The following FARP2 variants were observed in gnomAD, a reference collection of about 807,000 sequenced individuals.
FARP2 encodes FERM, ARHGEF and pleckstrin domain-containing protein 2.
FARP2 carries 111 observed loss-of-function variants against 130.5 expected under a neutral mutation model. That is an observed-to-expected ratio of 0.85 (90% CI 0.73 to 1.00). The LOEUF (loss-of-function observed/expected upper bound fraction) is 1.00. Among genes scored for constraint, FARP2 ranks in the 50% least tolerant of loss-of-function variants. FARP2 has a pLI of 0.00. For synonymous variants in FARP2, 504 were observed against 516.9 expected (o/e 0.98, Z 0.34); for missense variants, 1,385 against 1,346.3 (o/e 1.03, Z -0.45).
chr2:241,389,536 A>G (rs1476402835), intron 2 of FARP2, among the ~76,000 whole-genome samples: 1 of 152,216 alleles, frequency 6.6e-6, no homozygotes, highest in African/African-American at 2.4e-5. Context: ...TGTATTTATT[A>G]TAGCAGCCTG....
intron 13 of FARP2, 142 bp from the exon 14 acceptor site, chr2:241,456,605 G>A: frequency 1.4e-6 from 1 of 724,678 alleles, no homozygotes; most frequent in Non-Finnish European, 2.4e-6. Context: ...TGTGATAGAG[G>A]CTGTACATAC....
chr2:241,438,764 G>A (rs1348417990), intron 12 of FARP2, among the ~76,000 whole-genome samples: 2 of 149,482 alleles, frequency 1.3e-5, no homozygotes, highest in African/African-American at 4.9e-5. Context: ...TGAGTAGCTG[G>A]GACTACAGGT....
rs759480417 is a variant in FARP2 at position 241,418,104 on chromosome 2, T to A, written c.766T>A (p.Phe256Ile). The A allele has an allele frequency of 1.2e-6, 2 of 1,614,158 alleles. No individual in the cohort carries two copies. The highest frequency in any genetic ancestry group is 1.7e-6 in the Non-Finnish European group (2 of 1,180,016). Residue 256 changes from phenylalanine to isoleucine, a missense_variant, in exon 8 of 27, where the codon TTC becomes ATC. By Grantham distance (21) the Phe-to-Ile change is conservative (BLOSUM62 0). Transcript: ENST00000264042. ...LAVSHMGVLVFQGTTKINTFN... is the reference protein window; with the variant it reads ...LAVSHMGVLVIQGTTKINTFN... ...AGTTTCCCACATGGGTGTACTCGTG[T>A]TCCAGGTAGGCCAGTGGGGAAGGGA...
chr2:241,493,076 G>C, intron 25 of FARP2, 40 bp downstream of exon 25: 1 of 1,249,912 alleles, frequency 8.0e-7, no homozygotes, highest in Non-Finnish European at 1.2e-6. Context: ...GGTGATGCTA[G>C]CAGACAGACA....
At position 241,493,377 on chromosome 2, in the gene FARP2, G is replaced by C. The variant is rs2065002075; in HGVS notation, c.2980G>C (p.Val994Leu). ...READGIHKDY[V>L]FKLQFKSHVY... ...GGCCGATGGCATACACAAAGACTAT[G>C]TTTTCAAGCTCCAGTTCAAATCCCA... The change falls in exon 26 of 27, where the codon GTT becomes CTT. Residue 994 changes from valine (V) to leucine (L), a missense_variant. By Grantham distance (32) the Val-to-Leu change is conservative. Coordinates refer to ENST00000264042, the MANE Select transcript of FARP2 (RefSeq NM_014808.4). 1 of 1,613,890 alleles carries C rather than the reference G, an allele frequency of 6.2e-7. No homozygotes were observed. Among genetic ancestry groups the C allele is most frequent in the African/African-American group, 1.3e-5 (1 of 74,936 alleles).
chr2:241,435,184 C>G (rs1291584754), intron 11 of FARP2, among the ~76,000 whole-genome samples, 154 bp downstream of exon 11: 1 of 152,122 alleles, frequency 6.6e-6, no homozygotes, highest in Non-Finnish European at 1.5e-5. Flanking sequence ...GCTTCAGACT[C>G]CTGGGCTCAA....
At chr2:241,453,800 T>C in intron 13 of FARP2, among the ~76,000 whole-genome samples, 3 of 89,904 alleles carry the variant, frequency 3.3e-5, no homozygotes, top group East Asian at 7.6e-4. Context: ...TTTTTTTTTT[T>C]TGAGATGGGG....
chr2:241,363,573 G>A (rs2061238855), intron 1 of FARP2, among the ~76,000 whole-genome samples: 1 of 152,374 alleles, frequency 6.6e-6, no homozygotes, highest in South Asian at 2.1e-4. Flanking sequence ...CTATGCACGC[G>A]TGATGTGAGC....
rs200683482 is a variant in FARP2 at position 241,456,884 on chromosome 2, G to A, written c.1549G>A (p.Gly517Ser). ...CCTGAGCCCTGTCCTCAGTGATGCTGGCGGAGCCGGGATGGACTGCGAGGA... is the reference window on the plus strand; with the variant it reads ...CCTGAGCCCTGTCCTCAGTGATGCTAGCGGAGCCGGGATGGACTGCGAGGA... ...PLLSPVLSDAGGAGMDCEEPR... is the reference protein window; with the variant it reads ...PLLSPVLSDASGAGMDCEEPR... The change falls in exon 14 of 27, where the codon GGC becomes AGC. Residue 517 changes from glycine to serine, a missense_variant. Coordinates refer to ENST00000264042, the MANE Select transcript of FARP2 (RefSeq NM_014808.4). 1 of 1,609,742 alleles carries A rather than the reference G, an allele frequency of 6.2e-7. No individual in the cohort carries two copies. The highest frequency in any genetic ancestry group is 1.7e-5 in the Admixed American group (1 of 59,246).
At chr2:241,401,659 TTTTA>T (rs913078848) in intron 2 of FARP2, among the ~76,000 whole-genome samples, 24 of 151,518 alleles carry the variant, frequency 1.6e-4, no homozygotes, top group African/African-American at 5.8e-4. Context: ...CCAGAGTCCC[TTTTA>T]TTTTTTTCTT....
chr2:241,374,820 A>C (rs2061497404), intron 2 of FARP2, among the ~76,000 whole-genome samples: 1 of 152,256 alleles, frequency 6.6e-6, no homozygotes, highest in African/African-American at 2.4e-5. Context: ...CTTCTGTTGC[A>C]GAGAAGGAGG....
chr2:241,419,340 A>G (rs2062752383), intron 8 of FARP2, among the ~76,000 whole-genome samples: 1 of 152,090 alleles, frequency 6.6e-6, no homozygotes, highest in Admixed American at 6.6e-5. Flanking sequence ...GTGTTCCCCC[A>G]TTGCACAGAG....
At chr2:241,417,713 G>A (rs1003900893) in intron 7 of FARP2, among the ~76,000 whole-genome samples, 5 of 152,228 alleles carry the variant, frequency 3.3e-5, no homozygotes, top group African/African-American at 1.2e-4. Context: ...AGGCTGAGTA[G>A]CTAGTGTATG....
intron 2 of FARP2, among the ~76,000 whole-genome samples, chr2:241,373,536 G>T (rs548491359): frequency 2.0e-5 from 3 of 152,286 alleles, no homozygotes; most frequent in South Asian, 4.1e-4. Flanking sequence ...TTCGTGAGAG[G>T]CTGGCTAAGA....
In FARP2 at chr2:241,407,974, A is replaced by C. The variant is rs766149387; in HGVS notation, c.410+359A>C. ...CAATAAAATATACTTAATTGGTAGA[A>C]GTACCCAGTGTGTTAGTTCTTATGG... On this transcript the variant is annotated intron_variant, in intron 5 of 26. Coordinates refer to ENST00000264042, the MANE Select transcript of FARP2 (RefSeq NM_014808.4). 1.6e-4 allele frequency among the ~76,000 whole-genome samples: 24 copies of C among 152,206 alleles called. 1 individual carries two copies. The highest frequency in any genetic ancestry group is 8.3e-4 in the South Asian group (4 of 4,836).
At chr2:241,402,440 A>G (rs1343170844) in intron 2 of FARP2, among the ~76,000 whole-genome samples, 1 of 152,212 alleles carries the variant, frequency 6.6e-6, no homozygotes, top group Non-Finnish European at 1.5e-5. Flanking sequence ...AAAATAAAAC[A>G]TTGTAACTTT....
At chr2:241,426,651 G>A (rs1469493594) in intron 8 of FARP2, among the ~76,000 whole-genome samples, 1 of 152,212 alleles carries the variant, frequency 6.6e-6, no homozygotes, top group Non-Finnish European at 1.5e-5. Context: ...ACTTGATGTG[G>A]AGTGGGTGAC....
At chr2:241,442,665 G>T in intron 13 of FARP2, 1 of 339,952 alleles carries the variant, frequency 2.9e-6, no homozygotes, top group Non-Finnish European at 5.8e-6. Flanking sequence ...TTAATTTCCT[G>T]ATTTATTATA....
intron 8 of FARP2, among the ~76,000 whole-genome samples, chr2:241,424,198 T>C (rs538249048): frequency 1.3e-5 from 2 of 152,064 alleles, no homozygotes; most frequent in Non-Finnish European, 2.9e-5. Context: ...CTAAAACTGA[T>C]CACATAATCG....
Sources: gnomAD v4.1 joint callset for allele counts (sites outside exome capture counted in the v4.1 genomes callset) on GRCh38, gnomAD v4.1.1 for gene constraint, MANE v1.5 for transcripts, NCBI Gene and HGNC (gene_info 2026-07-23, HGNC 2026-07-21) for gene names.